Variants in EML4 observed in about 807,000 individuals in gnomAD.
EML4 encodes echinoderm microtubule-associated protein-like 4.
EML4 carries 72 observed loss-of-function variants against 129.0 expected under a neutral mutation model. That is an observed-to-expected ratio of 0.56 (90% CI 0.46 to 0.68). EML4 has a LOEUF of 0.68. EML4 is among the 30% of genes least tolerant of loss of function. The probability of loss-of-function intolerance (pLI) is 0.00; values close to 1 mark genes in which losing one functional copy is unlikely to be tolerated. For synonymous variants in EML4, 532 were observed against 405.0 expected, an observed-to-expected ratio of 1.31 and a Z score of -3.77; for missense variants, 1,363 against 1,190.6, an observed-to-expected ratio of 1.14 and a Z score of -2.13.
intron 1 of EML4, among the ~76,000 whole-genome samples, chr2:42,221,824 G>A (rs1260292815): frequency 6.6e-6 from 1 of 151,826 alleles, no homozygotes; most frequent in Non-Finnish European, 1.5e-5. Context: ...GGCTGGTCTC[G>A]AACTCCTGAC....
intron 11 of EML4, among the ~76,000 whole-genome samples, chr2:42,290,831 A>G (rs1336440134): frequency 6.6e-6 from 1 of 152,204 alleles, no homozygotes; most frequent in Non-Finnish European, 1.5e-5. Context: ...TTACATAATC[A>G]TGGATAGGAG....
intron 11 of EML4, among the ~76,000 whole-genome samples, chr2:42,294,192 T>A (rs187974938): frequency 6.6e-6 from 1 of 152,356 alleles, no homozygotes; most frequent in Non-Finnish European, 1.5e-5. Context: ...AATTTCTTCT[T>A]GAGTCTCATG....
chr2:42,220,030 C>G (rs1419499920), intron 1 of EML4, among the ~76,000 whole-genome samples: 2 of 151,626 alleles, frequency 1.3e-5, no homozygotes, highest in Admixed American at 6.6e-5. Flanking sequence ...GGGAGTATGT[C>G]TTGAAGATTT....
chr2:42,315,881 A>G lies in EML4; in HGVS notation c.1968-81A>G, dbSNP rs1348182203. On this transcript the variant is annotated intron_variant, in intron 17 of 22. Transcript: ENST00000318522. The stretch of plus-strand genomic sequence containing the variant: ...TTATGACAAAGCAAGACTCCATCTC[A>G]AAAAAAAAAGAAAAAGAACAACTTT... 3 of 765,040 alleles carry G rather than the reference A, an allele frequency of 3.9e-6. No individual in the cohort carries two copies. In the East Asian group the frequency reaches 9.5e-5, roughly 24 times the overall value. The allele number at this position is 765,040 out of a possible 1,614,324, so 47.4% of individuals were successfully genotyped here.
At chr2:42,268,189 A>G (rs1666170711) in intron 6 of EML4, among the ~76,000 whole-genome samples, 1 of 152,222 alleles carries the variant, frequency 6.6e-6, no homozygotes, top group Non-Finnish European at 1.5e-5. Flanking sequence ...TTAAAGGAAA[A>G]CAAAGTTCCA....
chr2:42,328,875 C>T lies in EML4; in HGVS notation c.2342-11C>T, dbSNP rs1327483237. The T allele has an allele frequency of 1.9e-6, 3 of 1,579,410 alleles. No individual in the cohort carries two copies. Reference sequence around the variant, plus strand: ...CTAATTTTTCTGCATCCCTGTGTTTCCATATCAAAGGTGTCTGGCCAGAAG... The same window carrying T: ...CTAATTTTTCTGCATCCCTGTGTTTTCATATCAAAGGTGTCTGGCCAGAAG... On this transcript the variant is annotated splice_polypyrimidine_tract_variant and intron_variant, in intron 21 of 22. Transcript: ENST00000318522.
chr2:42,261,381 G>C, intron 4 of EML4, 87 bp downstream of exon 4: 1 of 1,210,288 alleles, frequency 8.3e-7, no homozygotes, highest in South Asian at 2.2e-5. Flanking sequence ...GCTATCCAAG[G>C]ATTCTGAGAG....
intron 1 of EML4, among the ~76,000 whole-genome samples, chr2:42,184,034 G>A (rs1424579918): frequency 6.6e-6 from 1 of 152,102 alleles, no homozygotes; most frequent in Admixed American, 6.5e-5. Context: ...TGGGCTATTT[G>A]CTGTGCTCTG....
chr2:42,224,524 T>C (rs1673825831), intron 1 of EML4, among the ~76,000 whole-genome samples: 1 of 152,118 alleles, frequency 6.6e-6, no homozygotes, highest in South Asian at 2.1e-4. Context: ...CATGGGCAAG[T>C]TTTTATGTGG....
chr2:42,282,806 ACT>A lies in EML4; in HGVS notation c.792-14_792-13del, dbSNP rs1271400984. 3 of 1,604,432 alleles carry A rather than the reference ACT, an allele frequency of 1.9e-6. No individual in the cohort carries two copies. The African/African-American group carries it at 4.0e-5, about 22-fold the overall frequency. ...AAAACTGTGTTTATTTAAAACCTTG[ACT>A]CTTTTTCTGTTAAGATATGGTTATC... On this transcript the variant is annotated splice_polypyrimidine_tract_variant and intron_variant, in intron 7 of 22. Coordinates refer to ENST00000318522, the MANE Select transcript of EML4 (RefSeq NM_019063.5).
chr2:42,294,589 G>T (rs1667841541), intron 11 of EML4, among the ~76,000 whole-genome samples: 1 of 152,092 alleles, frequency 6.6e-6, no homozygotes, highest in Non-Finnish European at 1.5e-5. Context: ...CCAGCTACTG[G>T]GGAGGCTAAG....
At chr2:42,237,861 A>G (rs1035342449) in intron 1 of EML4, among the ~76,000 whole-genome samples, 1 of 152,184 alleles carries the variant, frequency 6.6e-6, no homozygotes, top group Non-Finnish European at 1.5e-5. Flanking sequence ...GAGGAGGAAG[A>G]GGAGAGGTTG....
chr2:42,282,230 A>AT (rs946060786), intron 7 of EML4, among the ~76,000 whole-genome samples: 4 of 150,046 alleles, frequency 2.7e-5, no homozygotes, highest in Non-Finnish European at 4.4e-5. Context: ...TAGGGCCTAC[A>AT]TTTTTTTTGT....
intron 1 of EML4, among the ~76,000 whole-genome samples, chr2:42,241,990 CAG>C (rs1232079026): frequency 6.6e-6 from 1 of 152,108 alleles, no homozygotes; most frequent in Non-Finnish European, 1.5e-5. Flanking sequence ...CAGTGTCTAT[CAG>C]GGTTTGGTAG....
chr2:42,303,786 G>A (rs1356872802), intron 16 of EML4, among the ~76,000 whole-genome samples: 2 of 152,110 alleles, frequency 1.3e-5, no homozygotes, highest in Admixed American at 6.5e-5. Context: ...TTAGCCAGGC[G>A]TGGTGGTGGG....
intron 1 of EML4, among the ~76,000 whole-genome samples, chr2:42,177,560 T>C (rs115451933): frequency 0.012 from 1,834 of 152,038 alleles, 15 homozygotes; most frequent in Non-Finnish European, 0.018. Flanking sequence ...GAGGTGGAGG[T>C]TGCAGTGAGC....
rs199806493 is a variant in EML4, at chr2:42,317,442, C to G, written c.2072C>G (p.Ala691Gly). ...TTTATTCTAGATGGTACCTTCCTGG[C>G]TGTAGGATCTCATGACAACTTTATT... ...MRYSIDGTFL[A>G]VGSHDNFIYL... The change falls in exon 19 of 23, where the codon GCT (alanine) becomes GGT (glycine). Residue 691 changes from alanine to glycine, a missense_variant. Physicochemically the swap from Ala to Gly is moderately conservative, Grantham distance 60 (BLOSUM62 0). Transcript: ENST00000318522. The G allele has an allele frequency of 9.3e-6, 15 of 1,610,406 alleles. No individual in the cohort carries two copies. The highest frequency in any genetic ancestry group is 1.1e-5 in the Non-Finnish European group (13 of 1,177,530).
chr2:42,206,269 A>C (rs1672533031), intron 1 of EML4, among the ~76,000 whole-genome samples: 1 of 152,162 alleles, frequency 6.6e-6, no homozygotes. Context: ...GATGGAGTGC[A>C]GTGGCATAAT....
At chr2:42,260,527 C>G (rs1665665136) in intron 3 of EML4, among the ~76,000 whole-genome samples, 1 of 149,260 alleles carries the variant, frequency 6.7e-6, no homozygotes, top group African/African-American at 2.5e-5. Context: ...TTTTTGATAA[C>G]TCATTTTTTT....
Sources: allele counts gnomAD v4.1 joint callset (sites outside exome capture counted in the v4.1 genomes callset), GRCh38; gene constraint gnomAD v4.1.1; transcripts MANE v1.5; gene names NCBI Gene and HGNC (gene_info 2026-07-23, HGNC 2026-07-21).